The following PTPRM variants were observed in gnomAD, a reference collection of about 807,000 sequenced individuals.
PTPRM encodes protein tyrosine phosphatase receptor type M.
Under a neutral mutation model 186.7 loss-of-function variants are expected in PTPRM, and 47 were observed. That is an observed-to-expected ratio of 0.25 (90% CI 0.20 to 0.32). The LOEUF is 0.32. Ranked by LOEUF, PTPRM falls within the 10% of genes least tolerant of loss-of-function variation. PTPRM has a pLI of 1.00. For missense variants in PTPRM, 1,494 were observed against 1,865.0 expected, an observed-to-expected ratio of 0.80 and a Z score of 3.66; for synonymous variants, 668 against 674.9, an observed-to-expected ratio of 0.99 and a Z score of 0.16.
At chr18:8,291,412 G>A (rs8086604) in intron 19 of PTPRM, among the ~76,000 whole-genome samples, 29,831 of 152,086 alleles carry the variant, frequency 0.2, 3,233 homozygotes, top group South Asian at 0.29. Context: ...GTTCTTTTCT[G>A]TCGCACTGGG....
Position 7,708,877 on chromosome 18 carries a change from A to G in PTPRM, c.74-65272A>G, listed in dbSNP as rs1382533754. Among the ~76,000 whole-genome samples the G allele has an allele frequency of 2.0e-5, 3 of 152,142 alleles. No homozygotes were observed. In the East Asian group the frequency reaches 5.8e-4, roughly 29 times the overall value. On this transcript the variant is annotated intron_variant, in intron 1 of 32. Coordinates refer to ENST00000580170, the MANE Select transcript of PTPRM (RefSeq NM_001105244.2). ...TTAGGAGCTTAAAATTGCTTATTTA[A>G]TGATTTATCAAAAATAGTACTAAAC...
intron 7 of PTPRM, among the ~76,000 whole-genome samples, chr18:8,032,603 A>G (rs925137102): frequency 6.6e-6 from 1 of 152,176 alleles, no homozygotes; most frequent in East Asian, 1.9e-4. Context: ...AAGACTTGCA[A>G]AATATTTTTA....
At chr18:7,883,705 A>T (rs2048621364) in intron 2 of PTPRM, among the ~76,000 whole-genome samples, 1 of 152,230 alleles carries the variant, frequency 6.6e-6, no homozygotes, top group African/African-American at 2.4e-5. Flanking sequence ...TAAGGGGAAG[A>T]TTAATTGAGT....
intron 2 of PTPRM, among the ~76,000 whole-genome samples, chr18:7,854,112 T>C (rs2046987504): frequency 6.6e-6 from 1 of 152,140 alleles, no homozygotes; most frequent in Non-Finnish European, 1.5e-5. Flanking sequence ...TTATGTACCA[T>C]AAGAGAATGA....
intron 19 of PTPRM, among the ~76,000 whole-genome samples, chr18:8,285,583 A>G (rs1345761811): frequency 6.6e-6 from 1 of 152,242 alleles, no homozygotes; most frequent in Non-Finnish European, 1.5e-5. Context: ...TCTCAGCCAA[A>G]GAAGGGCCTG....
At chr18:7,585,120 T>C (rs2036944439) in intron 1 of PTPRM, among the ~76,000 whole-genome samples, 1 of 152,184 alleles carries the variant, frequency 6.6e-6, no homozygotes, top group South Asian at 2.1e-4. Flanking sequence ...GGGAAAGCTC[T>C]CCTGTGGTCA....
chr18:8,235,287 T>A (rs2094331330), intron 14 of PTPRM, among the ~76,000 whole-genome samples: 1 of 152,122 alleles, frequency 6.6e-6, no homozygotes, highest in Admixed American at 6.5e-5. Context: ...TGTTTCTTCT[T>A]GTGTGAGTTT....
intron 11 of PTPRM, among the ~76,000 whole-genome samples, chr18:8,098,748 G>A (rs1465898985): frequency 1.3e-5 from 2 of 152,026 alleles, no homozygotes; most frequent in East Asian, 3.9e-4. Flanking sequence ...CACCTCTTGA[G>A]GACAGTGATG....
At chr18:7,930,064 A>G (rs1258315336) in intron 5 of PTPRM, among the ~76,000 whole-genome samples, 1 of 152,114 alleles carries the variant, frequency 6.6e-6, no homozygotes, top group African/African-American at 2.4e-5. Context: ...GTTTTTGAAT[A>G]TAATCATTTA....
rs1426458719 is a variant in PTPRM, at chr18:7,595,996, A to G, written c.73+28105A>G. Reference sequence around the variant, plus strand: ...TTTGACAAAAGATGGTTTTCTTGGAAAAAGATCGAAAAAGTATTGGTAAGG... The same window carrying G: ...TTTGACAAAAGATGGTTTTCTTGGAGAAAGATCGAAAAAGTATTGGTAAGG... On this transcript the variant is annotated intron_variant, in intron 1 of 32. Coordinates refer to ENST00000580170, the MANE Select transcript of PTPRM (RefSeq NM_001105244.2). Among the ~76,000 whole-genome samples the G allele has an allele frequency of 3.3e-5, 5 of 152,196 alleles. No homozygotes were observed. In the East Asian group the frequency reaches 9.6e-4, roughly 29 times the overall value.
At chr18:7,950,636 G>A (rs972653382) in intron 6 of PTPRM, among the ~76,000 whole-genome samples, 2 of 152,088 alleles carry the variant, frequency 1.3e-5, no homozygotes, top group African/African-American at 2.4e-5. Flanking sequence ...AATGCAAAGT[G>A]TATATTATAT....
In PTPRM at chr18:8,298,533, C is replaced by G. The variant is rs1001801037; in HGVS notation, c.2842+2078C>G. The stretch of plus-strand genomic sequence containing the variant: ...TTCCCAATGTATAGTTTAGTACCTC[C>G]TCATGGAGACACTGAGATATATTTT... On this transcript the variant is annotated intron_variant, in intron 20 of 32. Coordinates refer to ENST00000580170, the MANE Select transcript of PTPRM (RefSeq NM_001105244.2). Among the ~76,000 whole-genome samples the G allele has an allele frequency of 4.6e-5, 7 of 152,194 alleles. No individual in the cohort carries two copies. In the South Asian group the frequency reaches 1.5e-3, roughly 32 times the overall value.
At chr18:8,296,595 T>C (rs2095099512) in intron 20 of PTPRM, 140 bp downstream of exon 20, 6 of 595,588 alleles carry the variant, frequency 1.0e-5, no homozygotes, top group Non-Finnish European at 1.5e-5. Context: ...TTAACGCTCG[T>C]ACTAAAGAAA....
chr18:7,571,635 T>A (rs1327327337), intron 1 of PTPRM, among the ~76,000 whole-genome samples: 1 of 152,244 alleles, frequency 6.6e-6, no homozygotes, highest in South Asian at 2.1e-4. Flanking sequence ...TATTAAATGT[T>A]AACATAACCT....
At chr18:8,189,199 A>G (rs559034692) in intron 14 of PTPRM, among the ~76,000 whole-genome samples, 35 of 150,098 alleles carry the variant, frequency 2.3e-4, no homozygotes, top group Non-Finnish European at 1.5e-4. Flanking sequence ...CAGGAGGCTG[A>G]GGCAGGATCA....
chr18:8,365,646 C>G (rs945722854), intron 23 of PTPRM: 1 of 152,284 alleles, frequency 6.6e-6, no homozygotes, highest in African/African-American at 2.4e-5. Flanking sequence ...CCCTCTCTCT[C>G]CTCTTGTCAG....
intron 19 of PTPRM, among the ~76,000 whole-genome samples, chr18:8,263,694 G>T (rs72913123): frequency 0.026 from 4,022 of 152,134 alleles, 64 homozygotes; most frequent in South Asian, 0.062. Flanking sequence ...CAGCGAAGAG[G>T]GGTAGAGGCA....
intron 14 of PTPRM, among the ~76,000 whole-genome samples, chr18:8,236,669 G>A (rs1423645176): frequency 6.6e-6 from 1 of 151,988 alleles, no homozygotes; most frequent in Non-Finnish European, 1.5e-5. Context: ...AGCCTCCCGA[G>A]TATTTGTGAC....
chr18:8,401,074 G>GC (rs938141777), intron 32 of PTPRM, among the ~76,000 whole-genome samples: 6 of 149,616 alleles, frequency 4.0e-5, no homozygotes, highest in Non-Finnish European at 8.9e-5. Flanking sequence ...TGCCCATCCT[G>GC]CCCCCTACAC....
Sources: gnomAD v4.1 joint callset for allele counts (sites outside exome capture counted in the v4.1 genomes callset) on GRCh38, gnomAD v4.1.1 for gene constraint, MANE v1.5 for transcripts, NCBI Gene and HGNC (gene_info 2026-07-23, HGNC 2026-07-21) for gene names.